The following PCDHA3 variants were observed in gnomAD, a reference collection of about 807,000 sequenced individuals.
PCDHA3 encodes the protein protocadherin alpha 3, also known as protocadherin alpha-3.
In PCDHA3, 41 loss-of-function variants were observed where a neutral mutation model predicts 62.2. The observed-to-expected ratio is 0.66, with a 90% confidence interval of 0.51 to 0.86. The LOEUF (loss-of-function observed/expected upper bound fraction) is 0.86, where lower values mean the gene tolerates loss of function less well. Among genes scored for constraint, PCDHA3 ranks in the 40% least tolerant of loss-of-function variants. The probability of loss-of-function intolerance (pLI) is 0.00; values close to 1 mark genes in which losing one functional copy is unlikely to be tolerated. For synonymous variants in PCDHA3, 640 were observed against 555.4 expected, an observed-to-expected ratio of 1.15 and a Z score of -2.14; for missense variants, 1,304 against 1,241.2, an observed-to-expected ratio of 1.05 and a Z score of -0.76.
At position 140,843,609 on chromosome 5, in the gene PCDHA3, G is replaced by C. The variant is rs145975691; in HGVS notation, c.2394+40018G>C. 647 of 1,595,902 alleles carry C rather than the reference G, an allele frequency of 4.1e-4. 69 individuals are homozygous for C. The highest frequency in any genetic ancestry group is 5.3e-4 in the Non-Finnish European group (622 of 1,165,530). On this transcript the variant is annotated intron_variant, in intron 1 of 3. Coordinates refer to ENST00000522353, the MANE Select transcript of PCDHA3 (RefSeq NM_018906.3). ...CCGCAGAGGGTGTGCTCTGGTGAGG[G>C]GCCACCGAAGACGGACCTCATGGCC...
At chr5:140,933,490 A>G (rs1554209400) in intron 1 of PCDHA3, among the ~76,000 whole-genome samples, 1 of 152,104 alleles carries the variant, frequency 6.6e-6, no homozygotes, top group African/African-American at 2.4e-5. Flanking sequence ...GTTATTCTTT[A>G]GAATTGTTAA....
At chr5:140,960,762 A>G (rs1164322988) in intron 1 of PCDHA3, among the ~76,000 whole-genome samples, 5 of 152,214 alleles carry the variant, frequency 3.3e-5, no homozygotes, top group Non-Finnish European at 7.3e-5. Flanking sequence ...CCCAAGAGTT[A>G]CAGAGGAGAA....
chr5:140,910,661 A>G (rs1289499574), intron 1 of PCDHA3, among the ~76,000 whole-genome samples: 1 of 152,186 alleles, frequency 6.6e-6, no homozygotes, highest in Non-Finnish European at 1.5e-5. Context: ...CTTCCTCTAC[A>G]TTAAACCAAG....
intron 1 of PCDHA3, among the ~76,000 whole-genome samples, chr5:140,977,260 T>C (rs2096752693): frequency 6.6e-6 from 1 of 152,226 alleles, no homozygotes. Flanking sequence ...TCTCAGCAGA[T>C]GTTACAGTCT....
intron 1 of PCDHA3, chr5:140,928,137 C>A (rs537220203): frequency 6.2e-7 from 1 of 1,614,182 alleles, no homozygotes; most frequent in South Asian, 1.1e-5. Flanking sequence ...AAGTCCTGAT[C>A]ACGGCCTCAG....
At chr5:140,834,854 G>A in intron 1 of PCDHA3, 1 of 1,610,584 alleles carries the variant, frequency 6.2e-7, no homozygotes, top group South Asian at 1.1e-5. Flanking sequence ...TAGAGGGCGC[G>A]TCCGATGCAG....
At chr5:140,822,247 G>T (rs1383794948) in intron 1 of PCDHA3, 1 of 1,614,236 alleles carries the variant, frequency 6.2e-7, no homozygotes, top group East Asian at 2.2e-5. Flanking sequence ...GGGCGCGTCG[G>T]ATTTGGATAT....
chr5:140,915,283 C>T (rs1395177735), intron 1 of PCDHA3, among the ~76,000 whole-genome samples: 1 of 152,068 alleles, frequency 6.6e-6, no homozygotes, highest in African/African-American at 2.4e-5. Context: ...ATCATTTACT[C>T]TTTCTACTTA....
intron 1 of PCDHA3, chr5:140,967,903 A>C: frequency 6.2e-7 from 1 of 1,614,112 alleles, no homozygotes; most frequent in Non-Finnish European, 8.5e-7. Flanking sequence ...AGAATGCTAC[A>C]CCCAACACCA....
chr5:140,808,474 C>T, intron 1 of PCDHA3: 1 of 1,614,152 alleles, frequency 6.2e-7, no homozygotes. Context: ...CCGCGCGAGA[C>T]GGGGGCTCGC....
rs2150128727 is a variant in PCDHA3, at chr5:140,823,745, C to G, written c.2394+20154C>G. On this transcript the variant is annotated intron_variant, in intron 1 of 3. Transcript: ENST00000522353. ...CTGGTGAAGGACCATGGAGAGCCCC[C>G]GCTGACAGCCACAGCCACAGTGCTG... 125 of 1,613,836 alleles carry G rather than the reference C, an allele frequency of 7.7e-5. No homozygotes were observed. In the South Asian group the frequency reaches 1.3e-3, roughly 17 times the overall value.
Position 141,010,990 on chromosome 5 carries a change from A to G in PCDHA3, c.*1053A>G, listed in dbSNP as rs1399914066. The stretch of plus-strand genomic sequence containing the variant: ...GTGCTTTAAGAGAATTGCCTGAAAC[A>G]TCTGTATTATATCGGCCACCTGCCA... On this transcript the variant is annotated 3_prime_UTR_variant, in exon 4 of 4. Transcript: ENST00000522353. The G allele has an allele frequency of 6.5e-6, 1 of 153,770 alleles. No individual in the cohort carries two copies. Among genetic ancestry groups the G allele is most frequent in the Non-Finnish European group, 1.5e-5 (1 of 68,054 alleles). 9.5% of individuals were successfully genotyped at this position (153,770 alleles called of 1,614,324 possible). A position where few individuals can be genotyped will look rare whatever the true frequency, so the allele number is the denominator to read the frequency against.
rs1265852069 is a variant in PCDHA3 at position 140,837,275 on chromosome 5, CTT to C, written c.2394+33685_2394+33686del. The C allele has an allele frequency of 4.6e-5, 7 of 152,036 alleles. 1 individual carries two copies. The highest frequency in any genetic ancestry group is 1.7e-4 in the African/African-American group (7 of 41,340). 9.4% of individuals were successfully genotyped at this position (152,036 alleles called of 1,614,324 possible). ...TTTTATCATATTTGTGTAGCACTGA[CTT>C]CTTTTTAACTTACTTTGTTGAGATG... On this transcript the variant is annotated intron_variant, in intron 1 of 3. Coordinates refer to ENST00000522353, the MANE Select transcript of PCDHA3 (RefSeq NM_018906.3).
At chr5:140,928,610 C>T (rs935238036) in intron 1 of PCDHA3, 1 of 1,614,254 alleles carries the variant, frequency 6.2e-7, no homozygotes, top group Non-Finnish European at 8.5e-7. Flanking sequence ...GTGCCCCGCT[C>T]TGCCAGGACT....
chr5:140,962,034 C>T (rs527918306), intron 1 of PCDHA3, among the ~76,000 whole-genome samples: 1 of 152,172 alleles, frequency 6.6e-6, no homozygotes, highest in South Asian at 2.1e-4. Context: ...CAGGCACCCA[C>T]CACCATGCCT....
chr5:140,877,380 C>A, intron 1 of PCDHA3: 1 of 1,613,980 alleles, frequency 6.2e-7, no homozygotes, highest in Non-Finnish European at 8.5e-7. Context: ...CGACACGCAT[C>A]CTGGATGAGG....
At chr5:140,882,080 C>A in intron 1 of PCDHA3, 1 of 970,966 alleles carries the variant, frequency 1.0e-6, no homozygotes, top group Non-Finnish European at 1.5e-6. Flanking sequence ...CATGGTGTCG[C>A]TCTTCACTGA....
chr5:140,832,072 T>A (rs2150199647), intron 1 of PCDHA3, among the ~76,000 whole-genome samples: 2,545 of 152,344 alleles, frequency 0.017, 42 homozygotes, highest in Non-Finnish European at 0.028. Context: ...ATCTGAGATG[T>A]CTCTAACATT....
chr5:140,819,038 T>C (rs1554127598), intron 1 of PCDHA3, among the ~76,000 whole-genome samples: 1 of 152,230 alleles, frequency 6.6e-6, no homozygotes, highest in Non-Finnish European at 1.5e-5. Context: ...CATTCCCTTA[T>C]AGGGCAGTTA....
Sources: gnomAD v4.1 joint callset for allele counts (sites outside exome capture counted in the v4.1 genomes callset) on GRCh38, gnomAD v4.1.1 for gene constraint, MANE v1.5 for transcripts, NCBI Gene and HGNC (gene_info 2026-07-23, HGNC 2026-07-21) for gene names.